ROS1: variants seen among roughly 807,000 people sequenced by gnomAD.
ROS1 encodes the protein proto-oncogene tyrosine-protein kinase ROS.
In ROS1, 263 loss-of-function variants were observed where a neutral mutation model predicts 273.5. The ratio of observed to expected loss-of-function variants is 0.96; its 90% confidence interval spans 0.87 to 1.06. The LOEUF (loss-of-function observed/expected upper bound fraction) is 1.06. Ranked by LOEUF, ROS1 falls within the 50% of genes least tolerant of loss-of-function variation. The pLI is 0.00. For missense variants in ROS1, 2,833 were observed against 2,751.1 expected (o/e 1.03, Z -0.67); for synonymous variants, 1,008 against 954.1 (o/e 1.06, Z -1.04).
At chr6:117,327,846 T>C (rs1281610037) in intron 33 of ROS1, among the ~76,000 whole-genome samples, 1 of 152,106 alleles carries the variant, frequency 6.6e-6, no homozygotes, top group East Asian at 1.9e-4. Context: ...AGAGGGAAAT[T>C]TGGACACAGA....
At chr6:117,382,303 T>G (rs539908683) in intron 17 of ROS1, among the ~76,000 whole-genome samples, 2 of 152,190 alleles carry the variant, frequency 1.3e-5, no homozygotes, top group African/African-American at 4.8e-5. Context: ...GCAAATCAGG[T>G]CTCTTTAAAT....
Position 117,341,289 on chromosome 6 carries a change from T to C in ROS1, c.4907A>G (p.Glu1636Gly). The C allele has an allele frequency of 2.5e-6, 4 of 1,613,284 alleles. No homozygotes were observed. Among genetic ancestry groups the C allele is most frequent in the East Asian group, 2.2e-5 (1 of 44,874 alleles). The change falls in exon 31 of 44, where the codon GAA becomes GGA. Residue 1636 changes from glutamate to glycine, a missense_variant. By Grantham distance (98) the Glu-to-Gly change is moderately conservative. Transcript: ENST00000368507. ...VLKVLACHSE[E>G]MWCTESHPVT... ...AGGATGACTCTCTGTACACCACATTTCCTCAGAGTGGCAGGCAAGAACCTT... is the reference window on the plus strand; with the variant it reads ...AGGATGACTCTCTGTACACCACATTCCCTCAGAGTGGCAGGCAAGAACCTT...
chr6:117,301,642 C>T (rs982952219), intron 42 of ROS1: 1 of 152,518 alleles, frequency 6.6e-6, no homozygotes, highest in Non-Finnish European at 1.5e-5. Flanking sequence ...GTTCAAGTAG[C>T]TCTCTAAGCT....
At chr6:117,414,697 AC>A (rs1490736430) in intron 3 of ROS1, among the ~76,000 whole-genome samples, 152 bp from the exon 4 acceptor site, 2 of 152,118 alleles carry the variant, frequency 1.3e-5, no homozygotes, top group Admixed American at 6.6e-5. Context: ...CCAGAGCAGG[AC>A]CCCCTGTCTA....
intron 32 of ROS1, among the ~76,000 whole-genome samples, chr6:117,332,281 A>G (rs1174417572): frequency 6.6e-6 from 1 of 152,220 alleles, no homozygotes; most frequent in African/African-American, 2.4e-5. Context: ...GAACAATTCA[A>G]CAAGAAGAGT....
intron 1 of ROS1, among the ~76,000 whole-genome samples, chr6:117,421,884 A>C (rs953568513): frequency 6.6e-6 from 1 of 152,180 alleles, no homozygotes; most frequent in Non-Finnish European, 1.5e-5. Context: ...TAGGGAGTCT[A>C]AATTTTTTAA....
At chr6:117,408,895 T>G (rs968161743) in intron 5 of ROS1, among the ~76,000 whole-genome samples, 3 of 152,240 alleles carry the variant, frequency 2.0e-5, no homozygotes, top group South Asian at 4.2e-4. Flanking sequence ...TAAAAAATGA[T>G]GAGTTCCTGT....
rs772186598 is a variant in ROS1 at position 117,365,599 on chromosome 6, T to C, written c.2940A>G (p.Glu980=). ...ACCATACCTTAGAATGAGCACTAAA[T>C]TCTACACTGTAGAAAACTACACCCC... ...VDWGVVFYSV[E]FSAHSKFLAS... Residue 980 remains glutamate, a synonymous_variant, in exon 20 of 44, where the codon GAA becomes GAG. Coordinates refer to ENST00000368507, the MANE Select transcript of ROS1 (RefSeq NM_001378902.1). 8.7e-6 allele frequency: 14 copies of C among 1,613,530 alleles called. No individual in the cohort carries two copies. In the Admixed American group the frequency reaches 2.3e-4, roughly 27 times the overall value.
rs372697979 is a variant in ROS1 at position 117,356,677 on chromosome 6, G to A, written c.4078C>T (p.Leu1360=). The change falls in exon 26 of 44, where the codon CTG becomes TTG. Residue 1360 remains leucine (L), a synonymous_variant. Transcript: ENST00000368507. ...AKAQEIWAMD[L]EGCQCWRVIT... ...ACTCTCCAACACTGACAGCCTTCCA[G>A]ATCCATTGCCCAGATCTCTTGTGCT... The A allele has an allele frequency of 5.6e-6, 9 of 1,613,814 alleles. No individual in the cohort carries two copies. The highest frequency in any genetic ancestry group is 7.6e-6 in the Non-Finnish European group (9 of 1,179,998).
intron 20 of ROS1, 35 bp from the exon 21 acceptor site, chr6:117,365,239 G>T: frequency 6.6e-7 from 1 of 1,524,850 alleles, no homozygotes; most frequent in Non-Finnish European, 8.9e-7. Flanking sequence ...TTTTCTCAGG[G>T]AGAGAATTAT....
At chr6:117,354,861 T>C (rs1341722442) in intron 26 of ROS1, among the ~76,000 whole-genome samples, 1 of 152,158 alleles carries the variant, frequency 6.6e-6, no homozygotes, top group Non-Finnish European at 1.5e-5. Context: ...AAGACAAATA[T>C]TGCAACATAG....
intron 32 of ROS1, among the ~76,000 whole-genome samples, chr6:117,336,635 A>G (rs1038569733): frequency 1.3e-5 from 2 of 152,152 alleles, no homozygotes; most frequent in African/African-American, 4.8e-5. Context: ...CAGTGAACAT[A>G]CGTGTGCATG....
At chr6:117,409,422 C>T (rs1343919458) in intron 5 of ROS1, among the ~76,000 whole-genome samples, 160 bp downstream of exon 5, 1 of 151,980 alleles carries the variant, frequency 6.6e-6, no homozygotes, top group Non-Finnish European at 1.5e-5. Flanking sequence ...ATCAGAATGG[C>T]CTATACGTTT....
chr6:117,343,115 G>A (rs1019732705), intron 28 of ROS1, among the ~76,000 whole-genome samples: 2 of 151,352 alleles, frequency 1.3e-5, no homozygotes, highest in East Asian at 1.9e-4. Flanking sequence ...TCGATGTGCC[G>A]CCAAGGTTGA....
chr6:117,409,466 A>T, intron 5 of ROS1, 116 bp downstream of exon 5: 3 of 742,492 alleles, frequency 4.0e-6, no homozygotes, highest in Non-Finnish European at 7.3e-6. Flanking sequence ...GATATTTTTG[A>T]TCATATTGAG....
chr6:117,382,370 T>A (rs989653969), intron 17 of ROS1, among the ~76,000 whole-genome samples: 2 of 152,128 alleles, frequency 1.3e-5, no homozygotes, highest in Non-Finnish European at 2.9e-5. Flanking sequence ...GTGACTCAAC[T>A]ATTAGTTCAT....
At chr6:117,385,584 G>A (rs1476314507) in intron 16 of ROS1, 99 bp downstream of exon 16, 1 of 973,106 alleles carries the variant, frequency 1.0e-6, no homozygotes, top group Non-Finnish European at 1.6e-6. Context: ...AGCATAAGTG[G>A]TGCACAGGTA....
rs1465147750 is a variant in ROS1, at chr6:117,418,512, A to G, written c.124-6T>C. The G allele has an allele frequency of 1.3e-6, 2 of 1,598,528 alleles. No homozygotes were observed. The highest frequency in any genetic ancestry group is 1.7e-4 in the Middle Eastern group (1 of 6,048). ...CCAAGGTCAAGCTGCTGGCCCTGAA[A>G]TGAAGAAGGAGGTAGTAAACACCAG... is the stretch of plus-strand genomic sequence containing the variant. On this transcript the variant is annotated splice_region_variant and splice_polypyrimidine_tract_variant and intron_variant, in intron 1 of 43. Coordinates refer to ENST00000368507, the MANE Select transcript of ROS1 (RefSeq NM_001378902.1).
chr6:117,361,422 C>CATAT (rs34059535), intron 22 of ROS1, among the ~76,000 whole-genome samples: 1 of 146,806 alleles, frequency 6.8e-6, no homozygotes, highest in Non-Finnish European at 1.5e-5. Context: ...TATAATGGTG[C>CATAT]ATATATATAT....
Sources: allele counts gnomAD v4.1 joint callset (sites outside exome capture counted in the v4.1 genomes callset), GRCh38; gene constraint gnomAD v4.1.1; transcripts MANE v1.5; gene names NCBI Gene and HGNC (gene_info 2026-07-23, HGNC 2026-07-21).